Variants in HOXC5 observed in about 807,000 individuals in gnomAD.
HOXC5 encodes the protein homeobox protein Hox-C5.
A neutral mutation model predicts 20.1 loss-of-function variants in HOXC5; 19 were observed. The observed-to-expected ratio is 0.94, with a 90% confidence interval of 0.66 to 1.38. HOXC5 has a LOEUF of 1.38. Ranked by LOEUF, HOXC5 falls within the 40% of genes most tolerant of loss-of-function variation. HOXC5 has a pLI of 0.00. For missense variants in HOXC5, 330 were observed against 300.1 expected, an observed-to-expected ratio of 1.10 and a Z score of -0.74; for synonymous variants, 124 against 117.0, an observed-to-expected ratio of 1.06 and a Z score of -0.39.
the HOXC5 span, among the ~76,000 whole-genome samples, chr12:54,025,411 C>T: frequency 4.0e-5 from 6 of 151,852 alleles, no homozygotes; most frequent in Admixed American, 3.3e-4. Context: ...GAAGATCGGG[C>T]TCATCTGACC....
At chr12:54,029,411 G>GGC (rs1555185355), upstream of HOXC5, among the ~76,000 whole-genome samples, 2 of 76,896 alleles carry the variant, frequency 2.6e-5, no homozygotes, top group East Asian at 7.6e-4. Context: ...CCGCCCCCCC[G>GGC]CCCCCCCCCC....
chr12:54,033,414 A>T lies in HOXC5; in HGVS notation c.292A>T (p.Met98Leu). 6.2e-7 allele frequency: 1 copy of T among 1,609,864 alleles called. No homozygotes were observed. The change falls in exon 1 of 2, where the codon ATG (methionine) becomes TTG (leucine). Residue 98 changes from methionine (M) to leucine (L), a missense_variant. Physicochemically the swap from Met to Leu is conservative, Grantham distance 15 (BLOSUM62 2). Transcript: ENST00000312492. ...CGAAGCGGCTCCTCTGAACCCCGGGATGTACAGTCAGAAGGCGGCTCGCCC... is the reference window on the plus strand; with the variant it reads ...CGAAGCGGCTCCTCTGAACCCCGGGTTGTACAGTCAGAAGGCGGCTCGCCC... ...RDEAAPLNPG[M>L]YSQKAARPAL...
chr12:54,030,725 T>C (rs1407800554), upstream of HOXC5: 3 of 152,592 alleles, frequency 2.0e-5, no homozygotes, highest in Non-Finnish European at 2.9e-5. Context: ...AGAAAATAAA[T>C]AAATAAATAA....
chr12:54,025,041 G>A, the HOXC5 span, among the ~76,000 whole-genome samples: 1 of 152,266 alleles, frequency 6.6e-6, no homozygotes, highest in South Asian at 2.1e-4. Flanking sequence ...CCTTCCGAAT[G>A]CCTGATTTGG....
the HOXC5 span, among the ~76,000 whole-genome samples, chr12:54,023,876 T>C: frequency 6.6e-6 from 1 of 152,144 alleles, no homozygotes; most frequent in Non-Finnish European, 1.5e-5. Context: ...GCTTTGGTGT[T>C]CCCAAACAGC....
the HOXC5 span, chr12:54,017,496 G>A: frequency 2.0e-5 from 3 of 151,996 alleles, no homozygotes; most frequent in Admixed American, 6.6e-5. Flanking sequence ...GCTTCTCTTG[G>A]TTAGGGAGAA....
At chr12:54,017,379 C>T in the HOXC5 span, 1 of 152,136 alleles carries the variant, frequency 6.6e-6, no homozygotes, top group Non-Finnish European at 1.5e-5. Context: ...GAGAGAGAGG[C>T]AGAGAGGGAG....
the HOXC5 span, among the ~76,000 whole-genome samples, chr12:54,023,249 C>A: frequency 2.0e-5 from 3 of 152,144 alleles, no homozygotes; most frequent in Non-Finnish European, 2.9e-5. Flanking sequence ...CAGGGCTGAG[C>A]GTGATGGGGT....
At chr12:54,029,701 G>C, upstream of HOXC5, 1 of 1,614,114 alleles carries the variant, frequency 6.2e-7, no homozygotes. Flanking sequence ...AGATCTACTC[G>C]CGGTACCAGA....
chr12:54,027,748 C>T, the HOXC5 span, among the ~76,000 whole-genome samples: 1 of 152,160 alleles, frequency 6.6e-6, no homozygotes, highest in African/African-American at 2.4e-5. Context: ...AGAGCAGATG[C>T]GTGGCCCATT....
chr12:54,031,925 G>A (rs1182409903), upstream of HOXC5, among the ~76,000 whole-genome samples: 1 of 152,168 alleles, frequency 6.6e-6, no homozygotes, highest in Non-Finnish European at 1.5e-5. Flanking sequence ...TGAACCTTAT[G>A]GATTCAGGTC....
the HOXC5 span, chr12:54,020,852 G>A: frequency 6.6e-6 from 1 of 152,244 alleles, no homozygotes; most frequent in South Asian, 2.1e-4. Context: ...TGCCCAAGCA[G>A]CTGGACTGGG....
chr12:54,031,291 G>C (rs1022546542), upstream of HOXC5, among the ~76,000 whole-genome samples: 4 of 152,234 alleles, frequency 2.6e-5, no homozygotes, highest in African/African-American at 9.6e-5. Context: ...CGCCAAGCTG[G>C]CTGTTGCGAA....
chr12:54,018,791 G>A, the HOXC5 span, among the ~76,000 whole-genome samples: 1 of 152,246 alleles, frequency 6.6e-6, no homozygotes, highest in African/African-American at 2.4e-5. Context: ...CGAGGTCCGA[G>A]AGAACCTGGG....
chr12:54,029,627 T>G (rs773395635), upstream of HOXC5: 62 of 1,602,054 alleles, frequency 3.9e-5, no homozygotes, highest in Non-Finnish European at 5.2e-5. Context: ...CTGATTGCTT[T>G]TAGTGTGTTT....
upstream of HOXC5, chr12:54,029,769 T>C (rs1331830017): frequency 1.9e-6 from 3 of 1,614,022 alleles, no homozygotes; most frequent in South Asian, 3.3e-5. Flanking sequence ...CGCCGGCGCA[T>C]CGAGATCGCC....
At chr12:54,028,501 C>T, upstream of HOXC5, 2 of 1,607,694 alleles carry the variant, frequency 1.2e-6, no homozygotes, top group Non-Finnish European at 1.7e-6. Flanking sequence ...AATCATAGAC[C>T]GACCAGGTAA....
chr12:54,029,598 G>T, upstream of HOXC5: 1 of 1,556,948 alleles, frequency 6.4e-7, no homozygotes, highest in Non-Finnish European at 8.7e-7. Flanking sequence ...AGGCGAAACA[G>T]TCTGCAGAGG....
intron 1 of HOXC5, 79 bp downstream of exon 1, chr12:54,033,655 A>T: frequency 8.1e-7 from 1 of 1,238,662 alleles, no homozygotes. Context: ...AAGAAAAAAA[A>T]CCTGCGGCCA....
Sources: allele counts gnomAD v4.1 joint callset (sites outside exome capture counted in the v4.1 genomes callset), GRCh38; gene constraint gnomAD v4.1.1; transcripts MANE v1.5; gene names NCBI Gene and HGNC (gene_info 2026-07-23, HGNC 2026-07-21).